Variants in DNAJC4 observed in about 807,000 individuals in gnomAD.
The protein encoded by DNAJC4 is DnaJ heat shock protein family (Hsp40) member C4.
Under a neutral mutation model 26.8 loss-of-function variants are expected in DNAJC4, and 26 were observed. The ratio of observed to expected loss-of-function variants is 0.97; its 90% confidence interval spans 0.71 to 1.34. The LOEUF (loss-of-function observed/expected upper bound fraction) is 1.34, where lower values mean the gene tolerates loss of function less well. Ranked by LOEUF, DNAJC4 falls within the 40% of genes most tolerant of loss-of-function variation. The probability of loss-of-function intolerance (pLI) is 0.00; values close to 1 mark genes in which losing one functional copy is unlikely to be tolerated. For synonymous variants in DNAJC4, 134 were observed against 127.8 expected (o/e 1.05, Z -0.33); for missense variants, 342 against 321.1 (o/e 1.07, Z -0.50).
rs1223839365 is a variant in DNAJC4, at chr11:64,230,601, C to T, written c.-254C>T. The T allele has an allele frequency of 4.9e-6, 3 of 616,262 alleles. No individual in the cohort carries two copies. The highest frequency in any genetic ancestry group is 1.8e-5 in the South Asian group (1 of 55,188). The allele number at this position is 616,262 out of a possible 1,614,324, so 38.2% of individuals were successfully genotyped here. The stretch of plus-strand genomic sequence containing the variant: ...GGGTGGGAACGGGGTCTTGGGGTCC[C>T]TGGCTGGGTGGCCAGACCCCGAAGC... On this transcript the variant is annotated 5_prime_UTR_variant, in exon 1 of 6. Coordinates refer to ENST00000628077, the MANE Select transcript of DNAJC4 (RefSeq NM_005528.4).
chr11:64,234,206 T>C lies in DNAJC4; in HGVS notation c.*22T>C. On this transcript the variant is annotated 3_prime_UTR_variant, in exon 6 of 6. Coordinates refer to ENST00000628077, the MANE Select transcript of DNAJC4 (RefSeq NM_005528.4). This position sits in a 1 kb window ranked among gnomAD's most constrained non-coding sequence, Gnocchi z 5.3. ...CTGAGGGGCTCACCTGGATGGGGCC[T>C]GCAGTGCGTTCCCGCTTTGCTTCCT... 1.3e-6 allele frequency: 2 copies of C among 1,538,884 alleles called. No homozygotes were observed. Among genetic ancestry groups the C allele is most frequent in the Middle Eastern group, 2.0e-4 (1 of 4,906 alleles).
At position 64,232,510 on chromosome 11, in the gene DNAJC4, C is replaced by T. The variant is rs200699204; in HGVS notation, c.261C>T (p.Ser87=). The T allele has an allele frequency of 2.5e-6, 4 of 1,613,202 alleles. No individual in the cohort carries two copies. In the African/African-American group the frequency reaches 5.3e-5, roughly 22 times the overall value. Residue 87 remains serine (S), a synonymous_variant, in exon 3 of 6, where the codon AGC becomes AGT. Coordinates refer to ENST00000628077, the MANE Select transcript of DNAJC4 (RefSeq NM_005528.4). ...VELSEAYRVL[S]REQSRRSYDD... ...TGAGCGAGGCATACCGTGTGCTCAG[C>T]CGTGAGCAGAGCCGCCGCAGCTATG... is the stretch of plus-strand genomic sequence containing the variant.
Position 64,231,877 on chromosome 11 carries a change from A to T in DNAJC4, c.93A>T (p.Arg31Ser), listed in dbSNP as rs1325620886. The T allele has an allele frequency of 6.2e-7, 1 of 1,614,032 alleles. No individual in the cohort carries two copies. The highest frequency in any genetic ancestry group is 1.1e-5 in the South Asian group (1 of 91,078). ...LLGAAAGQRS[R>S]PSTYYELLGV... ...TTTGGGACTCTGTCCACAGGTCCAG[A>T]CCCAGTACTTATTATGAACTGTTGG... The change falls in exon 2 of 6, where the codon AGA becomes AGT. Residue 31 changes from arginine to serine, a missense_variant. Physicochemically the swap from Arg to Ser is moderately radical, Grantham distance 110 (BLOSUM62 -1). Coordinates refer to ENST00000628077, the MANE Select transcript of DNAJC4 (RefSeq NM_005528.4).
intron 4 of DNAJC4, 37 bp from the exon 5 acceptor site, chr11:64,233,857 G>A (rs1223698640): frequency 2.5e-6 from 4 of 1,604,860 alleles, no homozygotes; most frequent in East Asian, 2.2e-5. Context: ...GGGACAGCAG[G>A]AATTGGATTC....
In DNAJC4 at chr11:64,234,157, G is replaced by T; in HGVS notation, c.699G>T (p.Glu233Asp). 1 of 1,585,382 alleles carries T rather than the reference G, an allele frequency of 6.3e-7. No homozygotes were observed. The highest frequency in any genetic ancestry group is 8.6e-7 in the Non-Finnish European group (1 of 1,168,334). ...PPPSEPTQGPEIVPRGAGP is the reference protein window; with the variant it reads ...PPPSEPTQGPDIVPRGAGP ...CATCCGAGCCAACCCAAGGCCCCGA[G>T]ATCGTGCCCCGGGGCGCCGGCCCCT... The change falls in exon 6 of 6, where the codon GAG (glutamate) becomes GAT (aspartate). Residue 233 changes from glutamate (E) to aspartate (D), a missense_variant. Glu to Asp is a conservative substitution (Grantham distance 45). Transcript: ENST00000628077. This position sits in a 1 kb window ranked among gnomAD's most constrained non-coding sequence, Gnocchi z 5.3.
chr11:64,233,841 A>G (rs1301883383), intron 4 of DNAJC4, 53 bp from the exon 5 acceptor site: 4 of 1,595,492 alleles, frequency 2.5e-6, no homozygotes, highest in Non-Finnish European at 3.4e-6. Flanking sequence ...AGGGGGCAGG[A>G]CTTCAGGGAC....
chr11:64,231,097 C>T (rs1286114662), intron 1 of DNAJC4, 157 bp downstream of exon 1: 5 of 990,110 alleles, frequency 5.0e-6, no homozygotes, highest in African/African-American at 3.2e-5. Flanking sequence ...TAGAGAAGAC[C>T]CCCAAGGTCA....
At chr11:64,232,906 A>T in intron 4 of DNAJC4, 41 bp downstream of exon 4, 6 of 1,519,280 alleles carry the variant, frequency 3.9e-6, no homozygotes, top group Non-Finnish European at 5.3e-6. Flanking sequence ...AGAGGGCAGG[A>T]GGGTGGGTGA....
Position 64,230,803 on chromosome 11 carries a change from C to A in DNAJC4, c.-52C>A. ...CGGGTGCTTGAAGTCTAGCCCCATC[C>A]TGGTCCAATGCGCTCTTGGTAGCCT... On this transcript the variant is annotated 5_prime_UTR_variant, in exon 1 of 6. In the 5' UTR this introduces an upstream ATG that the reference lacks. Coordinates refer to ENST00000628077, the MANE Select transcript of DNAJC4 (RefSeq NM_005528.4). 1 of 1,567,972 alleles carries A rather than the reference C, an allele frequency of 6.4e-7. No homozygotes were observed. The highest frequency in any genetic ancestry group is 8.6e-7 in the Non-Finnish European group (1 of 1,158,660).
At chr11:64,231,783 C>A (rs1591075077) in intron 1 of DNAJC4, 88 bp from the exon 2 acceptor site, 1 of 1,262,216 alleles carries the variant, frequency 7.9e-7, no homozygotes, top group Non-Finnish European at 1.2e-6. Context: ...CTCCTGGTGG[C>A]TGAGTTGAAG....
intron 2 of DNAJC4, 115 bp downstream of exon 2, chr11:64,232,079 C>A: frequency 1.8e-6 from 2 of 1,093,874 alleles, no homozygotes; most frequent in East Asian, 2.5e-5. Context: ...TTTTTCAGCC[C>A]TCATAGGGAG....
chr11:64,233,737 C>A, intron 4 of DNAJC4, 157 bp from the exon 5 acceptor site: 1 of 1,025,276 alleles, frequency 9.8e-7, no homozygotes, highest in Non-Finnish European at 1.4e-6. Flanking sequence ...CAGGGCCACT[C>A]TGAGCCCTCC....
At position 64,230,953 on chromosome 11, in the gene DNAJC4, C is replaced by T; in HGVS notation, c.86+13C>T. 1 of 1,541,832 alleles carries T rather than the reference C, an allele frequency of 6.5e-7. No homozygotes were observed. Among genetic ancestry groups the T allele is most frequent in the Non-Finnish European group, 8.7e-7 (1 of 1,148,830 alleles). ...CCGCCGGGCAGCGGTGAGTTGGGCG[C>T]GGGGGGCCGGCCCGGTTGTTCAATG... On this transcript the variant is annotated intron_variant, in intron 1 of 5. Transcript: ENST00000628077.
intron 1 of DNAJC4, chr11:64,231,342 CTTTTT>C (rs35004947): frequency 1.6e-4 from 23 of 148,026 alleles, no homozygotes; most frequent in Middle Eastern, 3.0e-3. Context: ...TCTCTTTTTC[CTTTTT>C]TTTTTTTTTT....
In DNAJC4 at chr11:64,232,762, G is replaced by T; in HGVS notation, c.424G>T (p.Gly142Trp). Residue 142 changes from glycine to tryptophan, a missense_variant, in exon 4 of 6, where the codon GGG becomes TGG. By Grantham distance (184) the Gly-to-Trp change is radical. Transcript: ENST00000628077. The part of the protein sequence containing the change: ...WSQFHSVRPQ[G>W]PQLRQQQHKQ... ...CCAGTTTCACAGCGTGAGGCCACAG[G>T]GGCCCCAGTTGAGGCAGCAGCAACA... is the stretch of plus-strand genomic sequence containing the variant. 6.2e-7 allele frequency: 1 copy of T among 1,613,162 alleles called. No individual in the cohort carries two copies. Among genetic ancestry groups the T allele is most frequent in the Non-Finnish European group, 8.5e-7 (1 of 1,179,550 alleles).
intron 4 of DNAJC4, chr11:64,233,623 G>A (rs1947206215): frequency 5.6e-6 from 3 of 532,730 alleles, no homozygotes; most frequent in Non-Finnish European, 6.7e-6. Flanking sequence ...GGAGTTAGAC[G>A]CATACCCTTT....
intron 1 of DNAJC4, chr11:64,231,264 C>A (rs1947172003): frequency 2.2e-6 from 1 of 455,292 alleles, no homozygotes; most frequent in Non-Finnish European, 4.1e-6. Context: ...AATCCAGATT[C>A]CTGGGCTCTG....
At chr11:64,231,122 C>T (rs1440570401) in intron 1 of DNAJC4, 182 bp downstream of exon 1, 9 of 821,854 alleles carry the variant, frequency 1.1e-5, no homozygotes, top group East Asian at 2.7e-5. Flanking sequence ...CCGATTTAAG[C>T]GGCAGAGGAG....
chr11:64,231,757 G>A, intron 1 of DNAJC4, 114 bp from the exon 2 acceptor site: 1 of 909,866 alleles, frequency 1.1e-6, no homozygotes, highest in Non-Finnish European at 1.8e-6. Context: ...CCTGGGACCT[G>A]TTTCAGCCCT....
Sources: allele counts gnomAD v4.1 joint callset, GRCh38; gene constraint gnomAD v4.1.1; non-coding constraint Gnocchi (gnomAD v3.1); transcripts MANE v1.5; gene names NCBI Gene and HGNC (gene_info 2026-07-23, HGNC 2026-07-21).